CCDC7: variants seen among roughly 807,000 people sequenced by gnomAD.
CCDC7 encodes the protein coiled-coil domain containing 7.
Under a neutral mutation model 196.9 loss-of-function variants are expected in CCDC7, and 183 were observed. That is an observed-to-expected ratio of 0.93 (90% confidence interval 0.82 to 1.05). The LOEUF (loss-of-function observed/expected upper bound fraction) is 1.05, where lower values mean the gene tolerates loss of function less well. CCDC7 is among the 50% of genes least tolerant of loss of function. CCDC7 has a pLI of 0.00. For synonymous variants in CCDC7, 525 were observed against 484.6 expected (o/e 1.08, Z -1.10); for missense variants, 1,540 against 1,482.2 (o/e 1.04, Z -0.64).
At chr10:32,825,534 A>ATG (rs2090985247) in intron 32 of CCDC7, among the ~76,000 whole-genome samples, 2 of 152,256 alleles carry the variant, frequency 1.3e-5, no homozygotes, top group East Asian at 3.9e-4. Context: ...GTATCTATCT[A>ATG]TATATCTATA....
intron 25 of CCDC7, among the ~76,000 whole-genome samples, chr10:32,715,050 A>G (rs1474552895): frequency 6.6e-6 from 1 of 152,216 alleles, no homozygotes; most frequent in Admixed American, 6.5e-5. Context: ...AGCTCTGCTA[A>G]GGGACAGACT....
At chr10:32,583,340 A>C in intron 17 of CCDC7, 33 bp downstream of exon 18, 1 of 1,173,644 alleles carries the variant, frequency 8.5e-7, no homozygotes, top group Non-Finnish European at 1.1e-6. Context: ...AAAGCTGTTT[A>C]TTTCATATTG....
chr10:32,518,096 G>T, intron 10 of CCDC7, 121 bp downstream of exon 11: 1 of 1,256,032 alleles, frequency 8.0e-7, no homozygotes, highest in Non-Finnish European at 1.1e-6. Flanking sequence ...TTATTTAAGA[G>T]ATTTGTATGC....
chr10:32,826,383 G>A (rs760598047), intron 32 of CCDC7, among the ~76,000 whole-genome samples: 1 of 152,202 alleles, frequency 6.6e-6, no homozygotes, highest in Non-Finnish European at 1.5e-5. Context: ...CTGGGCTTTG[G>A]TAGAAACTGA....
intron 22 of CCDC7, among the ~76,000 whole-genome samples, chr10:32,687,742 G>C (rs1389257679): frequency 6.6e-6 from 1 of 152,190 alleles, no homozygotes; most frequent in Non-Finnish European, 1.5e-5. Flanking sequence ...CCCTAATTTT[G>C]TTTTGTTTTG....
intron 28 of CCDC7, among the ~76,000 whole-genome samples, chr10:32,766,518 T>C (rs2078328286): frequency 6.6e-6 from 1 of 152,018 alleles, no homozygotes; most frequent in South Asian, 2.1e-4. Flanking sequence ...TTCCTATAGG[T>C]GAATCACAGT....
intron 14 of CCDC7, among the ~76,000 whole-genome samples, chr10:32,566,849 G>C (rs2056870249): frequency 6.9e-6 from 1 of 145,942 alleles, no homozygotes; most frequent in African/African-American, 2.6e-5. Flanking sequence ...GAGACTAGAG[G>C]TTGCAAAAAA....
In CCDC7 at chr10:32,752,043, T is replaced by C. The variant is rs146807295; in HGVS notation, c.2905+22586T>C. ...TTCTTCTGGAAAATGATGCTATACT[T>C]GGAGGCTCAACTTTGGCCTACGCTT... On this transcript the variant is annotated intron_variant, in intron 28 of 41. Transcript: ENST00000639629. Among the ~76,000 whole-genome samples, 656 of 152,256 alleles carry C rather than the reference T, an allele frequency of 4.3e-3. 4 individuals are homozygous for C. Among genetic ancestry groups the C allele is most frequent in the Non-Finnish European group, 5.6e-3 (380 of 68,010 alleles).
chr10:32,462,323 G>T (rs575202413), intron 3 of CCDC7, among the ~76,000 whole-genome samples: 1 of 152,106 alleles, frequency 6.6e-6, no homozygotes, highest in Non-Finnish European at 1.5e-5. Flanking sequence ...TACTCAGGAG[G>T]CTGAGGCAAG....
At position 32,771,357 on chromosome 10, in the gene CCDC7, G is replaced by A. The variant is rs553417059; in HGVS notation, c.2906-7620G>A. Among the ~76,000 whole-genome samples the A allele has an allele frequency of 3.3e-5, 5 of 152,240 alleles. No homozygotes were observed. The South Asian group carries it at 8.3e-4, about 25-fold the overall frequency. On this transcript the variant is annotated intron_variant, in intron 28 of 41. Transcript: ENST00000639629. The stretch of plus-strand genomic sequence containing the variant: ...TTTGCAGGATACAAAACTCTTGGCT[G>A]ACAGTTATTCTGTTTAAGGAGATTG...
chr10:32,478,731 A>G (rs1259068301), intron 8 of CCDC7, among the ~76,000 whole-genome samples: 1 of 152,132 alleles, frequency 6.6e-6, no homozygotes, highest in African/African-American at 2.4e-5. Flanking sequence ...ATTTTCACAT[A>G]TGTATTCATG....
chr10:32,757,054 A>T (rs928611098), intron 28 of CCDC7, among the ~76,000 whole-genome samples: 5 of 152,240 alleles, frequency 3.3e-5, no homozygotes, highest in Admixed American at 6.5e-5. Context: ...AGAGCTAACT[A>T]TCCTAAATAT....
chr10:32,866,890 C>T (rs774799513), intron 41 of CCDC7, among the ~76,000 whole-genome samples: 1 of 151,388 alleles, frequency 6.6e-6, no homozygotes, highest in South Asian at 2.1e-4. Context: ...TCAAAATTGC[C>T]ATCACAATAT....
chr10:32,837,643 C>T (rs939961042), intron 33 of CCDC7, among the ~76,000 whole-genome samples: 18 of 152,006 alleles, frequency 1.2e-4, no homozygotes, highest in Admixed American at 2.0e-4. Context: ...TATTGCGGCA[C>T]TATTCACAAT....
At chr10:32,568,966 T>C (rs1461431763) in intron 15 of CCDC7, among the ~76,000 whole-genome samples, 6 of 152,270 alleles carry the variant, frequency 3.9e-5, no homozygotes, top group Admixed American at 3.9e-4. Flanking sequence ...TATTGTTTTC[T>C]ATTTCCCAGT....
At position 32,544,323 on chromosome 10, in the gene CCDC7, T is replaced by A. The variant is rs2052044376; in HGVS notation, c.1134+22T>A. ...ACAGGTAACACACCCACTCTCTCTA[T>A]GCATCAATATTTGATTAATACTTGC... On this transcript the variant is annotated intron_variant, in intron 13 of 41. Coordinates refer to ENST00000639629, the Ensembl canonical transcript of CCDC7. The A allele has an allele frequency of 3.8e-6, 6 of 1,596,018 alleles. No individual in the cohort carries two copies. The Admixed American group carries it at 1.0e-4, about 28-fold the overall frequency.
intron 28 of CCDC7, among the ~76,000 whole-genome samples, chr10:32,733,304 G>C (rs1027127451): frequency 3.9e-5 from 6 of 152,034 alleles, no homozygotes; most frequent in Non-Finnish European, 7.4e-5. Flanking sequence ...AATATTGCTG[G>C]ATAATTGATA....
chr10:32,726,241 A>G (rs1237091147), intron 25 of CCDC7, among the ~76,000 whole-genome samples: 1 of 151,950 alleles, frequency 6.6e-6, no homozygotes, highest in African/African-American at 2.4e-5. Flanking sequence ...AGAAACCTTT[A>G]TTATTTTTAC....
chr10:32,586,954 A>G (rs535547023), intron 18 of CCDC7, among the ~76,000 whole-genome samples: 64 of 152,268 alleles, frequency 4.2e-4, no homozygotes, highest in Non-Finnish European at 4.0e-4. Context: ...ACCTGTGATG[A>G]TCCATTGTCT....
Sources: allele counts gnomAD v4.1 joint callset (sites outside exome capture counted in the v4.1 genomes callset), GRCh38; gene constraint gnomAD v4.1.1; transcripts MANE v1.5; gene names NCBI Gene and HGNC (gene_info 2026-07-23, HGNC 2026-07-21).